The following GPA33 variants were observed in gnomAD, a reference collection of about 807,000 sequenced individuals.
GPA33 encodes the protein glycoprotein A33, also known as cell surface A33 antigen.
GPA33 carries 27 observed loss-of-function variants against 35.6 expected under a neutral mutation model. That is an observed-to-expected ratio of 0.76 (90% CI 0.56 to 1.04). The LOEUF (loss-of-function observed/expected upper bound fraction) is 1.04, where lower values mean the gene tolerates loss of function less well. Ranked by LOEUF, GPA33 falls within the 50% of genes least tolerant of loss-of-function variation. The pLI is 0.00. For missense variants in GPA33, 428 were observed against 411.9 expected, an observed-to-expected ratio of 1.04 and a Z score of -0.34; for synonymous variants, 176 against 164.0, an observed-to-expected ratio of 1.07 and a Z score of -0.56.
At chr1:167,056,662 GGTGA>G (rs1417260871) in intron 4 of GPA33, among the ~76,000 whole-genome samples, 4 of 47,282 alleles carry the variant, frequency 8.5e-5, no homozygotes, top group Admixed American at 2.1e-4. Context: ...TGTGTGGTAC[GGTGA>G]GTGTGTGATG....
rs550432099 is a variant in GPA33, at chr1:167,074,202, A to G, written c.44-663T>C. On this transcript the variant is annotated intron_variant, in intron 1 of 6. Transcript: ENST00000367868. ...GTGATGTTGACTCTCCTCCCTCAGGAGGTGGGGTCTGTGTTCCTTCTCTTC... is the reference window on the plus strand; with the variant it reads ...GTGATGTTGACTCTCCTCCCTCAGGGGGTGGGGTCTGTGTTCCTTCTCTTC... Among the ~76,000 whole-genome samples the G allele has an allele frequency of 7.3e-5, 11 of 151,716 alleles. 1 individual carries two copies. In the East Asian group the frequency reaches 2.1e-3, roughly 29 times the overall value.
chr1:167,059,259 C>T (rs1253253950), intron 4 of GPA33, among the ~76,000 whole-genome samples: 5 of 152,174 alleles, frequency 3.3e-5, no homozygotes, highest in Non-Finnish European at 2.9e-5. Context: ...TCCCAAGCCC[C>T]TTTTCCTTCG....
At chr1:167,079,313 T>G (rs1342297410) in intron 1 of GPA33, among the ~76,000 whole-genome samples, 1 of 151,510 alleles carries the variant, frequency 6.6e-6, no homozygotes, top group Non-Finnish European at 1.5e-5. Flanking sequence ...AGTAACAAGG[T>G]GAAACCCTGT....
At chr1:167,064,913 G>A (rs72689396) in intron 3 of GPA33, among the ~76,000 whole-genome samples, 5 of 152,318 alleles carry the variant, frequency 3.3e-5, no homozygotes, top group Non-Finnish European at 5.9e-5. Flanking sequence ...GACTCGAGCA[G>A]GCAGAGGGCG....
At chr1:167,084,837 T>C (rs61814863) in intron 1 of GPA33, among the ~76,000 whole-genome samples, 8 of 152,222 alleles carry the variant, frequency 5.3e-5, no homozygotes, top group Admixed American at 1.3e-4. Flanking sequence ...ATGATTATTA[T>C]TGTTTTAAGT....
chr1:167,055,114 G>A lies in GPA33; in HGVS notation c.692-3C>T, dbSNP rs773200729. 2.5e-6 allele frequency: 4 copies of A among 1,612,110 alleles called. No homozygotes were observed. The highest frequency in any genetic ancestry group is 3.4e-6 in the Non-Finnish European group (4 of 1,179,840). ...ATACAGGGCCACGTTCATGGAGGCT[G>A]CAAGAGGACAGAGCAGCTGCACTTG... On this transcript the variant is annotated splice_polypyrimidine_tract_variant and splice_region_variant and intron_variant, in intron 5 of 6. Transcript: ENST00000367868.
chr1:167,078,981 T>C (rs1558010249), intron 1 of GPA33, among the ~76,000 whole-genome samples: 1 of 152,222 alleles, frequency 6.6e-6, no homozygotes, highest in African/African-American at 2.4e-5. Context: ...TGTCTCATAC[T>C]CTGTTGTGGA....
intron 1 of GPA33, among the ~76,000 whole-genome samples, chr1:167,086,262 G>C (rs1667045459): frequency 6.6e-6 from 1 of 152,272 alleles, no homozygotes; most frequent in Non-Finnish European, 1.5e-5. Context: ...GGCTAATTTA[G>C]GATTGGAATG....
chr1:167,058,548 T>C (rs1666362948), intron 4 of GPA33: 2 of 152,200 alleles, frequency 1.3e-5, no homozygotes, highest in Non-Finnish European at 2.9e-5. Context: ...AATAACACTT[T>C]GATTTGGTGC....
intron 2 of GPA33, among the ~76,000 whole-genome samples, chr1:167,070,599 T>C (rs1277397488): frequency 6.6e-6 from 1 of 152,118 alleles, no homozygotes; most frequent in African/African-American, 2.4e-5. Context: ...GACTAAACAG[T>C]TTGCATTTAC....
At chr1:167,088,325 A>C (rs920948104) in intron 1 of GPA33, among the ~76,000 whole-genome samples, 2 of 152,122 alleles carry the variant, frequency 1.3e-5, no homozygotes, top group Admixed American at 1.3e-4. Flanking sequence ...CGACCTTTGA[A>C]GGTCTTCCTT....
intron 1 of GPA33, chr1:167,078,440 T>C (rs907234753): frequency 6.6e-6 from 1 of 152,226 alleles, no homozygotes. Flanking sequence ...ACACCCACTA[T>C]TCTCTAGCAC....
Position 167,063,512 on chromosome 1 carries a change from G to A in GPA33, c.571+70C>T, listed in dbSNP as rs536376325. The A allele has an allele frequency of 1.8e-5, 26 of 1,428,700 alleles. No individual in the cohort carries two copies. The African/African-American group carries it at 3.3e-4, about 18-fold the overall frequency. The allele number at this position is 1,428,700 out of a possible 1,614,324, so 88.5% of individuals were successfully genotyped here. A position where few individuals can be genotyped will look rare whatever the true frequency, so the allele number is the denominator to read the frequency against. On this transcript the variant is annotated intron_variant, in intron 4 of 6. Coordinates refer to ENST00000367868, the MANE Select transcript of GPA33 (RefSeq NM_005814.3). The stretch of plus-strand genomic sequence containing the variant: ...ATCTGATCGGTCAACCCAAGTTGCA[G>A]CCCCTAGCCAATCAGCTGCATGTGT...
chr1:167,060,156 C>T (rs1666404192), intron 4 of GPA33, among the ~76,000 whole-genome samples: 1 of 152,192 alleles, frequency 6.6e-6, no homozygotes, highest in African/African-American at 2.4e-5. Context: ...TCACTGCAAC[C>T]TCTGCCTTCC....
At chr1:167,059,577 C>G (rs1448754950) in intron 4 of GPA33, among the ~76,000 whole-genome samples, 1 of 152,068 alleles carries the variant, frequency 6.6e-6, no homozygotes, top group African/African-American at 2.4e-5. Flanking sequence ...GGTCCCCACC[C>G]TTCACAACCG....
chr1:167,079,503 A>T (rs959344437), intron 1 of GPA33, among the ~76,000 whole-genome samples: 1 of 151,298 alleles, frequency 6.6e-6, no homozygotes, highest in Admixed American at 6.6e-5. Flanking sequence ...AAAAAAAAAG[A>T]AAAAAAAGAA....
At chr1:167,055,290 C>T (rs1666216604) in intron 5 of GPA33, among the ~76,000 whole-genome samples, 179 bp from the exon 6 acceptor site, 1 of 152,214 alleles carries the variant, frequency 6.6e-6, no homozygotes. Flanking sequence ...CAGACAGAGA[C>T]ATATGGTCCA....
chr1:167,089,309 T>G (rs563627371), intron 1 of GPA33, among the ~76,000 whole-genome samples: 1 of 152,282 alleles, frequency 6.6e-6, no homozygotes, highest in East Asian at 1.9e-4. Flanking sequence ...GTCTCCTGGT[T>G]TCCACTTCCC....
intron 2 of GPA33, among the ~76,000 whole-genome samples, chr1:167,069,568 C>G (rs1666675043): frequency 6.6e-6 from 1 of 152,216 alleles, no homozygotes; most frequent in South Asian, 2.1e-4. Flanking sequence ...GCCAAACCCA[C>G]TTTATTTTCT....
Sources: allele counts gnomAD v4.1 joint callset (sites outside exome capture counted in the v4.1 genomes callset), GRCh38; gene constraint gnomAD v4.1.1; transcripts MANE v1.5; gene names NCBI Gene and HGNC (gene_info 2026-07-23, HGNC 2026-07-21).